FGF12: variants seen among roughly 807,000 people sequenced by gnomAD.
FGF12 encodes the protein fibroblast growth factor 12B.
FGF12 carries 14 observed loss-of-function variants against 23.6 expected under a neutral mutation model. That is an observed-to-expected ratio of 0.59 (90% confidence interval 0.39 to 0.93). The LOEUF (loss-of-function observed/expected upper bound fraction) is 0.93, where lower values mean the gene tolerates loss of function less well. FGF12 is among the 40% of genes least tolerant of loss of function. The pLI is 0.00. For synonymous variants in FGF12, 62 were observed against 77.3 expected, an observed-to-expected ratio of 0.80 and a Z score of 1.04; for missense variants, 175 against 217.8, an observed-to-expected ratio of 0.80 and a Z score of 1.24.
chr3:192,157,599 T>C (rs1714496036), intron 5 of FGF12, among the ~76,000 whole-genome samples: 1 of 152,216 alleles, frequency 6.6e-6, no homozygotes, highest in African/African-American at 2.4e-5. Flanking sequence ...CAGGCTTTCC[T>C]TGCCATCGTG....
At chr3:192,458,869 C>A (rs540293889) in intron 2 of FGF12, among the ~76,000 whole-genome samples, 2 of 152,128 alleles carry the variant, frequency 1.3e-5, no homozygotes, top group Non-Finnish European at 2.9e-5. Context: ...ACAATTCCCA[C>A]GTGTTGTGGG....
In FGF12 at chr3:192,367,662, T is replaced by C. The variant is rs563634518; in HGVS notation, c.14-7124A>G. ...TCTATGGGGATTCAGTAAAAATATA[T>C]GCTATTTAGTAAAGGAGAAGCAGGC... is the stretch of plus-strand genomic sequence containing the variant. On this transcript the variant is annotated intron_variant, in intron 2 of 5. Transcript: ENST00000445105. Among the ~76,000 whole-genome samples the C allele has an allele frequency of 1.2e-3, 186 of 152,242 alleles. 1 individual carries two copies. In the Middle Eastern group the frequency reaches 0.017, roughly 14 times the overall value.
intron 4 of FGF12, among the ~76,000 whole-genome samples, chr3:192,316,544 G>A (rs1232321440): frequency 3.3e-5 from 5 of 152,136 alleles, no homozygotes; most frequent in South Asian, 2.1e-4. Flanking sequence ...AGAACTTGCC[G>A]GTGCCCAGAT....
intron 4 of FGF12, among the ~76,000 whole-genome samples, chr3:192,291,187 T>C (rs917981635): frequency 1.3e-5 from 2 of 152,232 alleles, no homozygotes; most frequent in Admixed American, 1.3e-4. Flanking sequence ...ACGAAGAACA[T>C]CTGATATATG....
chr3:192,720,788 C>A (rs1719016006), intron 2 of FGF12, among the ~76,000 whole-genome samples: 1 of 152,100 alleles, frequency 6.6e-6, no homozygotes, highest in Admixed American at 6.5e-5. Flanking sequence ...TCCTAGTAAC[C>A]ATCTTGGAGC....
At chr3:192,626,175 G>T (rs1715160716) in intron 2 of FGF12, among the ~76,000 whole-genome samples, 1 of 152,100 alleles carries the variant, frequency 6.6e-6, no homozygotes, top group South Asian at 2.1e-4. Flanking sequence ...CCCAGTAAGT[G>T]GTTGGAGGTT....
chr3:192,640,815 GTT>G (rs1342411188), intron 2 of FGF12, among the ~76,000 whole-genome samples: 2 of 151,510 alleles, frequency 1.3e-5, no homozygotes, highest in Admixed American at 6.6e-5. Context: ...TTGTTTGTTT[GTT>G]TGTTTGTTTG....
At chr3:192,299,572 C>A (rs1358779537) in intron 4 of FGF12, among the ~76,000 whole-genome samples, 1 of 152,086 alleles carries the variant, frequency 6.6e-6, no homozygotes, top group Admixed American at 6.5e-5. Context: ...TGCAAACATA[C>A]AATAAGTCTA....
chr3:192,253,225 T>G (rs2108609154), intron 4 of FGF12, among the ~76,000 whole-genome samples: 1 of 152,076 alleles, frequency 6.6e-6, no homozygotes, highest in East Asian at 1.9e-4. Context: ...CTCCTTTCAA[T>G]CTCCAGAAGA....
chr3:192,455,244 G>A (rs1160654469), intron 2 of FGF12, among the ~76,000 whole-genome samples: 1 of 152,170 alleles, frequency 6.6e-6, no homozygotes, highest in Non-Finnish European at 1.5e-5. Context: ...TTTCGGAGAG[G>A]GGACAAGAAG....
chr3:192,253,080 C>G (rs569016212), intron 4 of FGF12, among the ~76,000 whole-genome samples: 1 of 152,042 alleles, frequency 6.6e-6, no homozygotes, highest in African/African-American at 2.4e-5. Flanking sequence ...TATCAAAAAT[C>G]GTTGGATCTC....
In FGF12 at chr3:192,186,606, T is replaced by C. The variant is rs140217700; in HGVS notation, c.229-15950A>G. Reference sequence around the variant, plus strand: ...GTTCATTTTCTCTTACATTTGTGTGTGCGTGTGTGTGTGTATACTGCTACT... The same window carrying C: ...GTTCATTTTCTCTTACATTTGTGTGCGCGTGTGTGTGTGTATACTGCTACT... On this transcript the variant is annotated intron_variant, in intron 4 of 5. Transcript: ENST00000445105. 6.5e-4 allele frequency among the ~76,000 whole-genome samples: 99 copies of C among 152,336 alleles called. 2 individuals are homozygous for C. The East Asian group carries it at 9.6e-3, about 15-fold the overall frequency.
intron 4 of FGF12, among the ~76,000 whole-genome samples, chr3:192,289,815 T>A (rs1207728221): frequency 6.6e-6 from 1 of 152,138 alleles, no homozygotes; most frequent in East Asian, 1.9e-4. Flanking sequence ...GGGGAATAAG[T>A]AGAATTTACA....
At chr3:192,447,324 G>A (rs1470075571) in intron 2 of FGF12, among the ~76,000 whole-genome samples, 1 of 152,162 alleles carries the variant, frequency 6.6e-6, no homozygotes, top group Admixed American at 6.5e-5. Flanking sequence ...CCATTTTCTA[G>A]AGTACTTGAG....
At chr3:192,209,899 ACATTAGTCACATGTTGTATAC>A (rs1339003475) in intron 4 of FGF12, among the ~76,000 whole-genome samples, 1 of 152,220 alleles carries the variant, frequency 6.6e-6, no homozygotes, top group Non-Finnish European at 1.5e-5. Flanking sequence ...CTACACGTGA[ACATTAGTCACATGTTGTATAC>A]CATTCACTAC....
intron 4 of FGF12, among the ~76,000 whole-genome samples, chr3:192,312,579 T>G (rs183853972): frequency 2.0e-4 from 31 of 152,210 alleles, no homozygotes; most frequent in African/African-American, 7.2e-4. Context: ...AAACATCTTA[T>G]TCTTGGATTA....
At position 192,412,654 on chromosome 3, in the gene FGF12, T is replaced by TAAAAAA. The variant is rs1721233697; in HGVS notation, c.14-52117_14-52116insTTTTTT. Reference sequence around the variant, plus strand: ...GTGAGAAGAGGTGAGTATAAAGAAATTTAAGAAGTTAGCTAAGACCTAAAT... The same window carrying TAAAAAA: ...GTGAGAAGAGGTGAGTATAAAGAAATAAAAAATTAAGAAGTTAGCTAAGACCTAAAT... On this transcript the variant is annotated intron_variant, in intron 2 of 5. Coordinates refer to ENST00000445105, the MANE Select transcript of FGF12 (RefSeq NM_004113.6). Among the ~76,000 whole-genome samples the TAAAAAA allele has an allele frequency of 5.3e-5, 8 of 152,340 alleles. No individual in the cohort carries two copies. In the South Asian group the frequency reaches 1.7e-3, roughly 32 times the overall value.
In FGF12 at chr3:192,227,514, C is replaced by T. The variant is rs367889681; in HGVS notation, c.229-56858G>A. 5.4e-5 allele frequency among the ~76,000 whole-genome samples: 8 copies of T among 147,398 alleles called. 1 individual carries two copies. In the East Asian group the frequency reaches 1.4e-3, roughly 26 times the overall value. On this transcript the variant is annotated intron_variant, in intron 4 of 5. Coordinates refer to ENST00000445105, the MANE Select transcript of FGF12 (RefSeq NM_004113.6). ...ATGGAATATGGAAAGCAATGTTTAA[C>T]CAGGGAAAAAACATTTACTTCTACC...
At chr3:192,214,812 T>C (rs1718106933) in intron 4 of FGF12, among the ~76,000 whole-genome samples, 1 of 152,224 alleles carries the variant, frequency 6.6e-6, no homozygotes, top group African/African-American at 2.4e-5. Flanking sequence ...TGGAGAAGAA[T>C]GATTTTAGGA....
Sources: allele counts gnomAD v4.1 joint callset (sites outside exome capture counted in the v4.1 genomes callset), GRCh38; gene constraint gnomAD v4.1.1; transcripts MANE v1.5; gene names NCBI Gene and HGNC (gene_info 2026-07-23, HGNC 2026-07-21).